Variants in RNF130 observed in about 807,000 individuals in gnomAD.
The protein encoded by RNF130 is ring finger protein 130, also known as E3 ubiquitin-protein ligase RNF130.
RNF130 carries 21 observed loss-of-function variants against 44.6 expected under a neutral mutation model. The observed-to-expected ratio is 0.47, with a 90% CI of 0.33 to 0.68. The LOEUF (loss-of-function observed/expected upper bound fraction) is 0.68. Among genes scored for constraint, RNF130 ranks in the 30% least tolerant of loss-of-function variants. RNF130 has a pLI of 0.02. For synonymous variants in RNF130, 214 were observed against 210.4 expected (o/e 1.02, Z -0.15); for missense variants, 479 against 560.6 (o/e 0.85, Z 1.47).
intron 2 of RNF130, among the ~76,000 whole-genome samples, chr5:180,021,628 T>A (rs186569603): frequency 2.7e-3 from 414 of 151,944 alleles, no homozygotes; most frequent in African/African-American, 8.9e-3. Context: ...TAATAATAAT[T>A]ATTATTATTT....
Position 180,013,369 on chromosome 5 carries a change from A to T in RNF130, c.443-58T>A. On this transcript the variant is annotated intron_variant, in intron 2 of 8. Coordinates refer to ENST00000521389, the MANE Select transcript of RNF130 (RefSeq NM_018434.6). Reference sequence around the variant, plus strand: ...ACATTTAAAACTTATGGAAACATCAAATGTATCAACACGCTACTTAGGTAA... The same window carrying T: ...ACATTTAAAACTTATGGAAACATCATATGTATCAACACGCTACTTAGGTAA... 1.4e-6 allele frequency: 2 copies of T among 1,450,966 alleles called. 1 individual carries two copies. Among genetic ancestry groups the T allele is most frequent in the South Asian group, 2.6e-5 (2 of 75,646 alleles). The allele number at this position is 1,450,966 out of a possible 1,614,324, so 89.9% of individuals were successfully genotyped here.
At chr5:180,002,776 T>G (rs1363763878) in intron 3 of RNF130, among the ~76,000 whole-genome samples, 6 of 152,184 alleles carry the variant, frequency 3.9e-5, no homozygotes, top group African/African-American at 7.2e-5. Context: ...CTCCAGAGCT[T>G]CTGTCATTCC....
intron 2 of RNF130, among the ~76,000 whole-genome samples, chr5:180,036,517 T>A (rs1764253072): frequency 1.3e-5 from 2 of 152,250 alleles, no homozygotes; most frequent in Non-Finnish European, 2.9e-5. Context: ...AGCACCCTGC[T>A]AAACCACAAA....
intron 7 of RNF130, among the ~76,000 whole-genome samples, chr5:179,923,059 T>C (rs1027370194): frequency 7.9e-5 from 12 of 152,178 alleles, no homozygotes; most frequent in Non-Finnish European, 2.9e-5. Flanking sequence ...TTTGGTAAGA[T>C]CAAATTTATT....
At chr5:180,038,386 G>A (rs1458580642) in intron 2 of RNF130, among the ~76,000 whole-genome samples, 10 of 122,292 alleles carry the variant, frequency 8.2e-5, no homozygotes, top group Admixed American at 7.1e-4. Context: ...GTCTCGGGGA[G>A]GGGGAAAAAA....
chr5:179,948,441 G>A (rs907409435), intron 7 of RNF130, among the ~76,000 whole-genome samples: 2 of 152,032 alleles, frequency 1.3e-5, no homozygotes, highest in East Asian at 1.9e-4. Flanking sequence ...AGGCTGAGGC[G>A]AGCGGATCAC....
intron 3 of RNF130, among the ~76,000 whole-genome samples, chr5:179,996,365 G>C (rs188386925): frequency 6.6e-6 from 1 of 152,334 alleles, no homozygotes; most frequent in Admixed American, 6.5e-5. Flanking sequence ...ATGTTAAATA[G>C]AAGTGGTGAA....
intron 7 of RNF130, among the ~76,000 whole-genome samples, chr5:179,943,214 G>T (rs1450217314): frequency 6.6e-6 from 1 of 152,086 alleles, no homozygotes; most frequent in Non-Finnish European, 1.5e-5. Context: ...GTCTTCCTTT[G>T]GGCTAAAGGA....
At chr5:179,968,293 A>AAAAC (rs564860549) in intron 6 of RNF130, among the ~76,000 whole-genome samples, 11,703 of 143,350 alleles carry the variant, frequency 0.082, 545 homozygotes, top group South Asian at 0.15. Flanking sequence ...AGACTGTCTC[A>AAAAC]AAACAAACAA....
intron 7 of RNF130, among the ~76,000 whole-genome samples, chr5:179,940,602 T>A (rs1017813090): frequency 1.3e-5 from 2 of 152,228 alleles, no homozygotes; most frequent in Non-Finnish European, 2.9e-5. Flanking sequence ...TTAAAAACTT[T>A]AAAAATTGAG....
intron 3 of RNF130, among the ~76,000 whole-genome samples, chr5:179,998,859 T>TATATATATATTTATATATA (rs1554103680): frequency 1.1e-5 from 1 of 88,750 alleles, no homozygotes; most frequent in African/African-American, 4.2e-5. Flanking sequence ...CTAGTATTTT[T>TATATATATATTTATATATA]TATATATATA....
At chr5:179,987,795 CCTT>C (rs1762988601) in intron 3 of RNF130, among the ~76,000 whole-genome samples, 2 of 152,220 alleles carry the variant, frequency 1.3e-5, no homozygotes. Context: ...GCCAAAACAT[CCTT>C]CTATCCCCGG....
At chr5:180,041,716 G>A (rs769949929) in intron 1 of RNF130, among the ~76,000 whole-genome samples, 6 of 152,274 alleles carry the variant, frequency 3.9e-5, no homozygotes, top group South Asian at 2.1e-4. Flanking sequence ...TCTGTGTGCC[G>A]GGAAGGAAGT....
chr5:179,935,023 CG>C (rs1561661904), intron 7 of RNF130, among the ~76,000 whole-genome samples: 1 of 152,124 alleles, frequency 6.6e-6, no homozygotes, highest in Non-Finnish European at 1.5e-5. Context: ...AGCTGAATTA[CG>C]TAAGTTTTGA....
At chr5:180,022,179 G>A (rs1763889841) in intron 2 of RNF130, among the ~76,000 whole-genome samples, 1 of 152,140 alleles carries the variant, frequency 6.6e-6, no homozygotes, top group Admixed American at 6.6e-5. Flanking sequence ...TTTGGTAAAG[G>A]TGATGTCCTC....
intron 3 of RNF130, among the ~76,000 whole-genome samples, chr5:179,982,986 A>G (rs1033954223): frequency 2.6e-5 from 4 of 152,118 alleles, no homozygotes; most frequent in African/African-American, 9.7e-5. Flanking sequence ...GTGTCTGTTC[A>G]TGTGTTTTGC....
At chr5:179,921,297 C>A (rs1761628173) in intron 7 of RNF130, among the ~76,000 whole-genome samples, 1 of 152,108 alleles carries the variant, frequency 6.6e-6, no homozygotes. Flanking sequence ...CTCCTATTGC[C>A]AGGGAAACAT....
At chr5:180,051,484 G>C (rs2113160244) in intron 1 of RNF130, among the ~76,000 whole-genome samples, 1 of 151,826 alleles carries the variant, frequency 6.6e-6, no homozygotes, top group East Asian at 2.0e-4. Flanking sequence ...TGATCTGCTT[G>C]CCTGGGCCTC....
chr5:180,002,832 T>A (rs1763376307), intron 3 of RNF130, among the ~76,000 whole-genome samples: 1 of 152,200 alleles, frequency 6.6e-6, no homozygotes, highest in Non-Finnish European at 1.5e-5. Context: ...CATTAAGTTG[T>A]TTATTTATTG....
Sources: allele counts gnomAD v4.1 joint callset (sites outside exome capture counted in the v4.1 genomes callset), GRCh38; gene constraint gnomAD v4.1.1; transcripts MANE v1.5; gene names NCBI Gene and HGNC (gene_info 2026-07-23, HGNC 2026-07-21).